Variants in KCNJ6 observed in about 807,000 individuals in gnomAD.
KCNJ6 encodes potassium inwardly rectifying channel subfamily J member 6.
A neutral mutation model predicts 34.2 loss-of-function variants in KCNJ6; 9 were observed. The ratio of observed to expected loss-of-function variants is 0.26; its 90% CI spans 0.16 to 0.46. The LOEUF is 0.46. Among genes scored for constraint, KCNJ6 ranks in the 20% least tolerant of loss-of-function variants. The pLI is 1.00. For missense variants in KCNJ6, 236 were observed against 531.3 expected, an observed-to-expected ratio of 0.44 and a Z score of 5.46; for synonymous variants, 196 against 207.1, an observed-to-expected ratio of 0.95 and a Z score of 0.46.
At chr21:37,753,617 C>G (rs563257194) in intron 2 of KCNJ6, among the ~76,000 whole-genome samples, 3 of 152,294 alleles carry the variant, frequency 2.0e-5, no homozygotes, top group African/African-American at 7.2e-5. Flanking sequence ...GATAGCAGGT[C>G]AACATCCACT....
At chr21:37,646,602 A>G (rs2054405353) in intron 3 of KCNJ6, among the ~76,000 whole-genome samples, 1 of 152,162 alleles carries the variant, frequency 6.6e-6, no homozygotes, top group Admixed American at 6.5e-5. Context: ...TGTTCAGCAG[A>G]GCCAGAGAGC....
chr21:37,881,629 T>C (rs78461376), intron 1 of KCNJ6, among the ~76,000 whole-genome samples: 1 of 152,286 alleles, frequency 6.6e-6, no homozygotes, highest in African/African-American at 2.4e-5. Context: ...GAGCCTCCCA[T>C]GTTGACCTTC....
At chr21:37,728,635 T>C (rs2054867768) in intron 2 of KCNJ6, among the ~76,000 whole-genome samples, 1 of 152,132 alleles carries the variant, frequency 6.6e-6, no homozygotes, top group African/African-American at 2.4e-5. Context: ...TCCTGCGATC[T>C]TGGATTTATA....
rs894483561 is a variant in KCNJ6, at chr21:37,916,106, C to G, written c.-250G>C. 1 of 152,452 alleles carries G rather than the reference C, an allele frequency of 6.6e-6. No homozygotes were observed. Among genetic ancestry groups the G allele is most frequent in the Non-Finnish European group, 1.5e-5 (1 of 68,276 alleles). 9.4% of individuals were successfully genotyped at this position (152,452 alleles called of 1,614,324 possible). ...TGCTCCGGCTCCAGGTCCGGCTTCC[C>G]GGCGTCCGCGGGTCTCCACCCCTCC... On this transcript the variant is annotated 5_prime_UTR_variant, in exon 1 of 4. Coordinates refer to ENST00000609713, the MANE Select transcript of KCNJ6 (RefSeq NM_002240.5).
chr21:37,756,657 A>G (rs1049566267), intron 2 of KCNJ6, among the ~76,000 whole-genome samples: 4,300 of 139,120 alleles, frequency 0.031, 5 homozygotes, highest in African/African-American at 0.045. Context: ...CAGCGTGATG[A>G]TTCCAGCCTG....
At chr21:37,910,431 G>A (rs2055861852) in intron 1 of KCNJ6, among the ~76,000 whole-genome samples, 1 of 152,194 alleles carries the variant, frequency 6.6e-6, no homozygotes, top group African/African-American at 2.4e-5. Flanking sequence ...ATGTCTGTAA[G>A]TTTAAAGAGG....
intron 3 of KCNJ6, among the ~76,000 whole-genome samples, chr21:37,655,178 TTTGTGTG>T (rs150290281): frequency 0.014 from 1,128 of 78,118 alleles, 17 homozygotes; most frequent in South Asian, 0.067. Context: ...ACTCTAGACA[TTTGTGTG>T]TGTGTGTGTG....
intron 2 of KCNJ6, among the ~76,000 whole-genome samples, chr21:37,838,788 G>C (rs1055146040): frequency 4.6e-5 from 7 of 152,130 alleles, no homozygotes; most frequent in African/African-American, 1.7e-4. Context: ...GTGTCCCCAT[G>C]CAAATCTCAT....
intron 2 of KCNJ6, among the ~76,000 whole-genome samples, chr21:37,799,713 ATGTC>A (rs1166430746): frequency 6.6e-6 from 1 of 152,190 alleles, no homozygotes; most frequent in Non-Finnish European, 1.5e-5. Context: ...GGTTTCCAGA[ATGTC>A]TGTTACATTT....
At chr21:37,862,842 T>C (rs1215149482) in intron 1 of KCNJ6, among the ~76,000 whole-genome samples, 1 of 152,188 alleles carries the variant, frequency 6.6e-6, no homozygotes, top group Non-Finnish European at 1.5e-5. Context: ...GTGACATCAT[T>C]TGTTGCCAGG....
At chr21:37,718,895 C>CTGGTAGTGTGTTTGGAAGGTGGCTCCGG (rs2054809084) in intron 2 of KCNJ6, among the ~76,000 whole-genome samples, 1 of 152,148 alleles carries the variant, frequency 6.6e-6, no homozygotes, top group African/African-American at 2.4e-5. Context: ...CCAAACCTCC[C>CTGGTAGTGTGTTTGGAAGGTGGCTCCGG]TGGTAGTGTG....
intron 3 of KCNJ6, among the ~76,000 whole-genome samples, chr21:37,644,486 TA>T (rs2054394772): frequency 6.6e-6 from 1 of 152,218 alleles, no homozygotes; most frequent in African/African-American, 2.4e-5. Flanking sequence ...CTCTGTGGTA[TA>T]AGATGCATGT....
chr21:37,898,353 G>C (rs1437035401), intron 1 of KCNJ6, among the ~76,000 whole-genome samples: 9 of 152,178 alleles, frequency 5.9e-5, no homozygotes, highest in Admixed American at 5.2e-4. Context: ...GGGAGGCCAA[G>C]GTGGCTAGAT....
intron 1 of KCNJ6, among the ~76,000 whole-genome samples, chr21:37,900,328 A>C (rs2055810452): frequency 6.6e-6 from 1 of 152,222 alleles, no homozygotes; most frequent in Non-Finnish European, 1.5e-5. Flanking sequence ...CACAGGAAGT[A>C]TGTTTTAGAA....
At chr21:37,722,122 A>AT (rs1569452148) in intron 2 of KCNJ6, among the ~76,000 whole-genome samples, 11 of 104,638 alleles carry the variant, frequency 1.1e-4, no homozygotes, top group Admixed American at 9.9e-4. Flanking sequence ...AAATCAATGT[A>AT]CAAAAATCAG....
At chr21:37,873,701 T>C (rs2055663806) in intron 1 of KCNJ6, among the ~76,000 whole-genome samples, 1 of 152,196 alleles carries the variant, frequency 6.6e-6, no homozygotes, top group African/African-American at 2.4e-5. Flanking sequence ...CTGTTCTCTC[T>C]TCTTAAACCT....
chr21:37,835,652 G>C (rs1257780762), intron 2 of KCNJ6, among the ~76,000 whole-genome samples: 1 of 152,186 alleles, frequency 6.6e-6, no homozygotes, highest in Non-Finnish European at 1.5e-5. Flanking sequence ...AGTCTACTAG[G>C]CTGTGTCACC....
At chr21:37,710,294 A>C (rs1226538135) in intron 3 of KCNJ6, among the ~76,000 whole-genome samples, 1 of 152,220 alleles carries the variant, frequency 6.6e-6, no homozygotes, top group East Asian at 1.9e-4. Context: ...TATGTTTTTA[A>C]AAGAATCCTT....
rs2054779361 is a variant in KCNJ6 at position 37,714,485 on chromosome 21, T to C, written c.672A>G (p.Val224=). 6.2e-7 allele frequency: 1 copy of C among 1,614,182 alleles called. No individual in the cohort carries two copies. The highest frequency in any genetic ancestry group is 1.1e-5 in the South Asian group (1 of 91,078). The part of the protein sequence containing the change: ...RDGKLCLMFR[V]GDLRNSHIVE... ...CAATGTGGGAATTCCTAAGGTCCCCTACCCGGAACATCAGGCACAGTTTCC... is the reference window on the plus strand; with the variant it reads ...CAATGTGGGAATTCCTAAGGTCCCCCACCCGGAACATCAGGCACAGTTTCC... The change falls in exon 3 of 4, where the codon GTA becomes GTG. Residue 224 remains valine, a synonymous_variant. Transcript: ENST00000609713. This position sits in a 1 kb window ranked among gnomAD's most constrained non-coding sequence, Gnocchi z 5.9.
Sources: allele counts gnomAD v4.1 joint callset (sites outside exome capture counted in the v4.1 genomes callset), GRCh38; gene constraint gnomAD v4.1.1; non-coding constraint Gnocchi (gnomAD v3.1); transcripts MANE v1.5; gene names NCBI Gene and HGNC (gene_info 2026-07-23, HGNC 2026-07-21).